Variants in TXNDC15 observed in about 807,000 individuals in gnomAD.
TXNDC15 encodes thioredoxin domain-containing protein 15.
TXNDC15 carries 24 observed loss-of-function variants against 35.0 expected under a neutral mutation model. That is an observed-to-expected ratio of 0.68 (90% CI 0.50 to 0.96). The LOEUF (loss-of-function observed/expected upper bound fraction) is 0.96. Ranked by LOEUF, TXNDC15 falls within the 40% of genes least tolerant of loss-of-function variation. The pLI is 0.00. For synonymous variants in TXNDC15, 169 were observed against 174.0 expected, an observed-to-expected ratio of 0.97 and a Z score of 0.23; for missense variants, 385 against 453.3, an observed-to-expected ratio of 0.85 and a Z score of 1.37.
intron 1 of TXNDC15, among the ~76,000 whole-genome samples, chr5:134,878,037 A>C: frequency 6.6e-6 from 1 of 151,366 alleles, no homozygotes; most frequent in Admixed American, 6.6e-5. Context: ...GACCTCCCAA[A>C]GTGCTGGGAT....
chr5:134,900,047 A>G lies in TXNDC15; in HGVS notation c.*362A>G, dbSNP rs1750569112. ...AAATAGGACTCTCAGGTAATAGTTT[A>G]AGGAAACCCTTGATTCCTTATATAT... On this transcript the variant is annotated 3_prime_UTR_variant, in exon 5 of 5. Coordinates refer to ENST00000358387, the MANE Select transcript of TXNDC15 (RefSeq NM_024715.4). The G allele has an allele frequency of 5.9e-6, 1 of 170,580 alleles. No homozygotes were observed. Among genetic ancestry groups the G allele is most frequent in the Non-Finnish European group, 1.2e-5 (1 of 81,156 alleles). 10.6% of individuals were successfully genotyped at this position (170,580 alleles called of 1,614,324 possible).
intron 1 of TXNDC15, chr5:134,875,159 G>C (rs1229437668): frequency 2.2e-6 from 1 of 456,118 alleles, no homozygotes; most frequent in Non-Finnish European, 4.4e-6. Context: ...CGAGAAACAC[G>C]GGAGACTCCC....
chr5:134,874,584 C>A (rs1017343497), intron 1 of TXNDC15, 54 bp downstream of exon 1: 2 of 1,442,720 alleles, frequency 1.4e-6, no homozygotes, highest in African/African-American at 2.9e-5. Context: ...TGAGGTCCAC[C>A]CGGGCGACGC....
chr5:134,893,674 G>A lies in TXNDC15; in HGVS notation c.755+19G>A. On this transcript the variant is annotated intron_variant, in intron 3 of 4. Coordinates refer to ENST00000358387, the MANE Select transcript of TXNDC15 (RefSeq NM_024715.4). ...ACAGCAGGTATCTTCCATTGGTGGG[G>A]TTTACGTCCATCCTCCTGGCTGATG... is the stretch of plus-strand genomic sequence containing the variant. The A allele has an allele frequency of 6.2e-7, 1 of 1,613,662 alleles. No homozygotes were observed. The highest frequency in any genetic ancestry group is 8.5e-7 in the Non-Finnish European group (1 of 1,179,672).
intron 1 of TXNDC15, among the ~76,000 whole-genome samples, chr5:134,879,273 G>A (rs1750095723): frequency 1.3e-5 from 2 of 152,162 alleles, no homozygotes; most frequent in South Asian, 4.1e-4. Flanking sequence ...TTGATTTTGT[G>A]CAGGGGCTAT....
intron 1 of TXNDC15, among the ~76,000 whole-genome samples, chr5:134,882,629 G>C (rs1348877979): frequency 6.6e-6 from 1 of 152,242 alleles, no homozygotes; most frequent in Non-Finnish European, 1.5e-5. Flanking sequence ...CTCGCGGTTA[G>C]GAGCTGGAGA....
At chr5:134,882,125 C>T (rs2150185064) in intron 1 of TXNDC15, among the ~76,000 whole-genome samples, 1 of 150,266 alleles carries the variant, frequency 6.7e-6, no homozygotes, top group East Asian at 2.0e-4. Context: ...CCTCACTTCT[C>T]AGACGGGGTG....
intron 1 of TXNDC15, among the ~76,000 whole-genome samples, chr5:134,884,359 C>T (rs1279913076): frequency 1.2e-4 from 17 of 144,794 alleles, no homozygotes; most frequent in Admixed American, 9.1e-4. Flanking sequence ...AGCGATTCTC[C>T]TGCCTCAGCC....
chr5:134,898,388 A>G (rs889961758), intron 4 of TXNDC15, among the ~76,000 whole-genome samples: 1 of 152,204 alleles, frequency 6.6e-6, no homozygotes, highest in Non-Finnish European at 1.5e-5. Flanking sequence ...AATTGAAAAA[A>G]TTACCTCCAT....
chr5:134,883,704 G>C (rs970137150), intron 1 of TXNDC15, among the ~76,000 whole-genome samples: 25 of 151,926 alleles, frequency 1.6e-4, no homozygotes, highest in African/African-American at 6.0e-4. Flanking sequence ...CTTGGGGCCA[G>C]GAGTTTGAGA....
chr5:134,875,365 GA>G lies in TXNDC15; in HGVS notation c.103+836del, dbSNP rs556892469. 6.8e-3 allele frequency: 3,118 copies of G among 456,282 alleles called. 30 individuals carry two copies. The highest frequency in any genetic ancestry group is 0.013 in the Middle Eastern group (40 of 3,076). 28.3% of individuals were successfully genotyped at this position (456,282 alleles called of 1,614,324 possible). ...TCTTTTCCCTGGGGTGTCCTGGATG[GA>G]GGCAGGACAGCAGAGAGTTGTGGAG... On this transcript the variant is annotated intron_variant, in intron 1 of 4. Transcript: ENST00000358387.
chr5:134,893,766 C>A (rs1750437016), intron 3 of TXNDC15, 111 bp downstream of exon 3: 3 of 1,414,508 alleles, frequency 2.1e-6, no homozygotes, highest in Non-Finnish European at 2.9e-6. Flanking sequence ...TGAACTGTGT[C>A]CTGGGATGGA....
intron 4 of TXNDC15, among the ~76,000 whole-genome samples, chr5:134,897,440 G>C (rs908862329): frequency 6.6e-6 from 1 of 151,756 alleles, no homozygotes. Context: ...GTAGAGACAG[G>C]GTTTCGCCCT....
At chr5:134,897,347 A>C (rs926388367) in intron 4 of TXNDC15, among the ~76,000 whole-genome samples, 4 of 152,064 alleles carry the variant, frequency 2.6e-5, no homozygotes, top group Admixed American at 2.6e-4. Flanking sequence ...TCCTGGGTTA[A>C]AACGATTCTC....
intron 1 of TXNDC15, among the ~76,000 whole-genome samples, chr5:134,875,563 C>G (rs905991639): frequency 1.5e-4 from 23 of 151,014 alleles, no homozygotes; most frequent in Admixed American, 1.3e-3. Context: ...AGTGGCCCAT[C>G]ATGGCTCCCT....
intron 1 of TXNDC15, among the ~76,000 whole-genome samples, chr5:134,877,607 AT>A (rs370746848): frequency 1.1e-4 from 16 of 147,206 alleles, no homozygotes; most frequent in South Asian, 4.3e-4. Context: ...AGCAGGTGAA[AT>A]TTTTTTTTTT....
chr5:134,883,202 G>A (rs1750195570), intron 1 of TXNDC15, among the ~76,000 whole-genome samples: 6 of 151,442 alleles, frequency 4.0e-5, no homozygotes, highest in African/African-American at 9.7e-5. Context: ...CAAGGTGGGT[G>A]GATCACGAGG....
At chr5:134,889,011 C>T (rs1183759500) in intron 2 of TXNDC15, among the ~76,000 whole-genome samples, 1 of 152,140 alleles carries the variant, frequency 6.6e-6, no homozygotes. Flanking sequence ...TAAATCCTGA[C>T]TCTAAGAGCT....
intron 4 of TXNDC15, among the ~76,000 whole-genome samples, chr5:134,898,008 CA>C (rs1463189356): frequency 4.7e-5 from 6 of 127,484 alleles, no homozygotes; most frequent in African/African-American, 5.8e-5. Context: ...GACTCCGTCT[CA>C]AAAAAAAAAG....
Sources: gnomAD v4.1 joint callset for allele counts (sites outside exome capture counted in the v4.1 genomes callset) on GRCh38, gnomAD v4.1.1 for gene constraint, MANE v1.5 for transcripts, NCBI Gene and HGNC (gene_info 2026-07-23, HGNC 2026-07-21) for gene names.